MPDZ: variants seen among roughly 807,000 people sequenced by gnomAD.
MPDZ encodes the protein multiple PDZ domain protein.
A neutral mutation model predicts 239.1 loss-of-function variants in MPDZ; 234 were observed. The ratio of observed to expected loss-of-function variants is 0.98; its 90% CI spans 0.88 to 1.09. MPDZ has a LOEUF of 1.09. Among genes scored for constraint, MPDZ ranks in the 50% least tolerant of loss-of-function variants. MPDZ has a pLI of 0.00. For synonymous variants in MPDZ, 1,048 were observed against 881.3 expected, an observed-to-expected ratio of 1.19 and a Z score of -3.35; for missense variants, 3,175 against 2,510.0, an observed-to-expected ratio of 1.26 and a Z score of -5.66.
chr9:13,275,461 G>T (rs927942393), intron 1 of MPDZ, among the ~76,000 whole-genome samples: 5 of 152,148 alleles, frequency 3.3e-5, no homozygotes, highest in African/African-American at 1.2e-4. Flanking sequence ...GAACTGTGAG[G>T]AAATAAATTC....
intron 1 of MPDZ, among the ~76,000 whole-genome samples, chr9:13,268,419 CCCAAATT>C (rs1428503412): frequency 1.3e-5 from 2 of 151,910 alleles, no homozygotes; most frequent in African/African-American, 4.8e-5. Context: ...AGACAACCAC[CCCAAATT>C]CCATATACTT....
rs182724864 is a variant in MPDZ at position 13,141,820 on chromosome 9, T to C, written c.3840+1646A>G. On this transcript the variant is annotated intron_variant, in intron 27 of 46. Coordinates refer to ENST00000319217, the MANE Select transcript of MPDZ (RefSeq NM_001378778.1). Reference sequence around the variant, plus strand: ...TGATAGAGATTTAAGGGCGTAAGTGTCAGATTACAGAATCTGCTATATTGA... The same window carrying C: ...TGATAGAGATTTAAGGGCGTAAGTGCCAGATTACAGAATCTGCTATATTGA... Among the ~76,000 whole-genome samples, 72 of 152,260 alleles carry C rather than the reference T, an allele frequency of 4.7e-4. 1 individual carries two copies. The highest frequency in any genetic ancestry group is 1.5e-3 in the African/African-American group (63 of 41,568).
intron 1 of MPDZ, among the ~76,000 whole-genome samples, chr9:13,263,394 CAAA>C (rs1218234444): frequency 1.4e-4 from 11 of 79,414 alleles, no homozygotes; most frequent in Admixed American, 3.9e-4. Flanking sequence ...CCTTGTTTGG[CAAA>C]AAAAAAAAAA....
rs1949763063 is a variant in MPDZ, at chr9:13,155,955, C to T, written c.3452+2063G>A. Among the ~76,000 whole-genome samples the T allele has an allele frequency of 2.6e-5, 4 of 152,120 alleles. No individual in the cohort carries two copies. The South Asian group carries it at 8.3e-4, about 31-fold the overall frequency. ...AGGTTGTTAGCACCTTTAGAGCTAT[C>T]TTAGGATTGCATGAAGGTTAAAAGC... On this transcript the variant is annotated intron_variant, in intron 24 of 46. Coordinates refer to ENST00000319217, the MANE Select transcript of MPDZ (RefSeq NM_001378778.1).
At chr9:13,239,386 G>C (rs1306406970) in intron 3 of MPDZ, among the ~76,000 whole-genome samples, 1 of 152,086 alleles carries the variant, frequency 6.6e-6, no homozygotes, top group Non-Finnish European at 1.5e-5. Flanking sequence ...TCTATAAAAT[G>C]AGGAAAATCA....
chr9:13,143,008 T>C (rs1357941552), intron 27 of MPDZ, among the ~76,000 whole-genome samples: 3 of 152,146 alleles, frequency 2.0e-5, no homozygotes, highest in South Asian at 2.1e-4. Context: ...TCATGAATAT[T>C]CAACAGACTC....
At chr9:13,235,211 C>T (rs1248050462) in intron 3 of MPDZ, among the ~76,000 whole-genome samples, 3 of 151,994 alleles carry the variant, frequency 2.0e-5, no homozygotes, top group African/African-American at 7.2e-5. Flanking sequence ...ACTGCATGTT[C>T]AAAGGGAATT....
chr9:13,158,941 T>C (rs1427673234), intron 23 of MPDZ, among the ~76,000 whole-genome samples: 5 of 152,154 alleles, frequency 3.3e-5, no homozygotes, highest in East Asian at 1.9e-4. Context: ...TTGGTAAAAA[T>C]TGGATTTCTA....
chr9:13,111,951 G>A, intron 43 of MPDZ, 73 bp downstream of exon 43: 12 of 1,505,426 alleles, frequency 8.0e-6, no homozygotes, highest in South Asian at 1.3e-5. Flanking sequence ...GCAACAGGTA[G>A]CCAGGTTCAA....
At chr9:13,226,877 T>A (rs1234871039) in intron 3 of MPDZ, among the ~76,000 whole-genome samples, 1 of 152,168 alleles carries the variant, frequency 6.6e-6, no homozygotes, top group Admixed American at 6.6e-5. Flanking sequence ...TTTTTAAGGA[T>A]CTAACTCTGA....
At chr9:13,195,655 G>GA (rs1955541901) in intron 13 of MPDZ, among the ~76,000 whole-genome samples, 1 of 151,952 alleles carries the variant, frequency 6.6e-6, no homozygotes, top group African/African-American at 2.4e-5. Context: ...TAAGTGGTAT[G>GA]AAAAAAAGTA....
intron 46 of MPDZ, 119 bp from the exon 47 acceptor site, chr9:13,107,230 G>T: frequency 9.6e-7 from 1 of 1,045,200 alleles, no homozygotes; most frequent in Non-Finnish European, 1.4e-6. Context: ...ACTGCTCCCA[G>T]TGCTCCATGG....
At chr9:13,195,014 G>A (rs561513679) in intron 13 of MPDZ, among the ~76,000 whole-genome samples, 14 of 152,108 alleles carry the variant, frequency 9.2e-5, no homozygotes, top group African/African-American at 3.4e-4. Context: ...ATAGCAAGGT[G>A]CAGTGGTGCA....
intron 1 of MPDZ, among the ~76,000 whole-genome samples, chr9:13,264,383 C>T (rs1167502091): frequency 6.6e-6 from 1 of 151,970 alleles, no homozygotes; most frequent in African/African-American, 2.4e-5. Context: ...GAGTTAAATA[C>T]CCTTATTTAC....
chr9:13,222,369 T>C lies in MPDZ; in HGVS notation c.611A>G (p.Gln204Arg), dbSNP rs1959180020. 6.2e-7 allele frequency: 1 copy of C among 1,612,958 alleles called. No individual in the cohort carries two copies. The highest frequency in any genetic ancestry group is 1.1e-5 in the South Asian group (1 of 91,062). ...GGCTTTCTGCAGGATGCTGATAGCC[T>C]GCTGATGTGTAATTGTCTGATCAAG... ...QALDQTITHQ[Q>R]AISILQKAKD... The change falls in exon 6 of 47, where the codon CAG becomes CGG. Residue 204 changes from glutamine to arginine, a missense_variant. Transcript: ENST00000319217.
At position 13,112,164 on chromosome 9, in the gene MPDZ, T is replaced by C; in HGVS notation, c.5602-18A>G. The C allele has an allele frequency of 6.3e-6, 10 of 1,593,984 alleles. No individual in the cohort carries two copies. Among genetic ancestry groups the C allele is most frequent in the Admixed American group, 1.7e-5 (1 of 57,650 alleles). On this transcript the variant is annotated intron_variant, in intron 42 of 46. Coordinates refer to ENST00000319217, the MANE Select transcript of MPDZ (RefSeq NM_001378778.1). ...GTAGGGCCCTGCCATGGAACAGATA[T>C]AAAATTTTGGTCAAAGTGATATTTT...
intron 31 of MPDZ, 78 bp downstream of exon 31, chr9:13,136,014 T>G: frequency 1.1e-6 from 1 of 952,146 alleles, no homozygotes. Flanking sequence ...TCTCTAAGTG[T>G]TATGTAATTG....
At chr9:13,277,083 TCA>T (rs1974382081) in intron 1 of MPDZ, among the ~76,000 whole-genome samples, 2 of 152,276 alleles carry the variant, frequency 1.3e-5, no homozygotes, top group South Asian at 2.1e-4. Context: ...CCTCTATTCC[TCA>T]CAGTTAGGTA....
At chr9:13,108,330 C>T (rs567765116) in intron 46 of MPDZ, among the ~76,000 whole-genome samples, 1 of 152,050 alleles carries the variant, frequency 6.6e-6, no homozygotes, top group African/African-American at 2.4e-5. Flanking sequence ...TATTCTAAAC[C>T]TTCTTAAGCT....
Sources: allele counts gnomAD v4.1 joint callset (sites outside exome capture counted in the v4.1 genomes callset), GRCh38; gene constraint gnomAD v4.1.1; transcripts MANE v1.5; gene names NCBI Gene and HGNC (gene_info 2026-07-23, HGNC 2026-07-21).